The following PAFAH1B2 variants were observed in gnomAD, a reference collection of about 807,000 sequenced individuals.
PAFAH1B2 encodes the protein platelet activating factor acetylhydrolase 1b catalytic subunit 2, also known as platelet-activating factor acetylhydrolase IB subunit alpha2.
A neutral mutation model predicts 28.0 loss-of-function variants in PAFAH1B2; 8 were observed. The observed-to-expected ratio is 0.29, with a 90% confidence interval of 0.17 to 0.52. The LOEUF is 0.52. Ranked by LOEUF, PAFAH1B2 falls within the 20% of genes least tolerant of loss-of-function variation. PAFAH1B2 has a pLI of 0.97. For synonymous variants in PAFAH1B2, 104 were observed against 103.2 expected (o/e 1.01, Z -0.05); for missense variants, 190 against 282.6 (o/e 0.67, Z 2.35).
At chr11:117,175,124 A>T, downstream of PAFAH1B2, 1 of 1,236,370 alleles carries the variant, frequency 8.1e-7, no homozygotes, top group Non-Finnish European at 1.0e-6. Context: ...ATATAAGTCA[A>T]ATAAGCCTTA....
At chr11:117,171,467 C>T (rs1313420839), downstream of PAFAH1B2, among the ~76,000 whole-genome samples, 1 of 151,482 alleles carries the variant, frequency 6.6e-6, no homozygotes, top group African/African-American at 2.4e-5. Flanking sequence ...ACCCAGGAGG[C>T]GGAGGTTACC....
intron 4 of PAFAH1B2, among the ~76,000 whole-genome samples, chr11:117,161,594 C>T (rs551242956): frequency 3.3e-5 from 5 of 151,570 alleles, no homozygotes; most frequent in African/African-American, 7.3e-5. Context: ...CTGCAACCTC[C>T]GCCTCCTGGG....
chr11:117,157,764 A>G lies in PAFAH1B2; in HGVS notation c.82-2170A>G, dbSNP rs116574684. On this transcript the variant is annotated intron_variant, in intron 2 of 5. Transcript: ENST00000527958. ...AACATAGTGAGACCCCATCTTTGGGAAAAAAAGAGAGTAGGCCTTTTCCTA... is the reference window on the plus strand; with the variant it reads ...AACATAGTGAGACCCCATCTTTGGGGAAAAAAGAGAGTAGGCCTTTTCCTA... 5.2e-3 allele frequency among the ~76,000 whole-genome samples: 796 copies of G among 152,248 alleles called. 11 individuals carry two copies. Among genetic ancestry groups the G allele is most frequent in the African/African-American group, 0.018 (732 of 41,540 alleles).
At chr11:117,144,822 T>TGCAGCTCCTGCCCGGGTCTCC (rs1955957755) in intron 1 of PAFAH1B2, among the ~76,000 whole-genome samples, 1 of 150,862 alleles carries the variant, frequency 6.6e-6, no homozygotes, top group Non-Finnish European at 1.5e-5. Context: ...GGCTGGGCGC[T>TGCAGCTCCTGCCCGGGTCTCC]GCAGCTCCTG....
rs1956541633 is a variant in PAFAH1B2 at position 117,167,603 on chromosome 11, A to G, written c.594A>G (p.Thr198=). The G allele has an allele frequency of 1.2e-6, 2 of 1,612,642 alleles. No individual in the cohort carries two copies. The highest frequency in any genetic ancestry group is 1.7e-6 in the Non-Finnish European group (2 of 1,179,052). The change falls in exon 6 of 6, where the codon ACA becomes ACG. Residue 198 remains threonine (T), a synonymous_variant. Transcript: ENST00000527958. ...ACATGTTTGATTTTCTGCATCTGAC[A>G]GGAGGGGGCTATGCAAAGATCTGCA... ...CHDMFDFLHL[T]GGGYAKICKP...
intron 1 of PAFAH1B2, among the ~76,000 whole-genome samples, chr11:117,148,971 G>A (rs920136725): frequency 1.3e-5 from 2 of 151,270 alleles, no homozygotes; most frequent in Non-Finnish European, 2.9e-5. Flanking sequence ...GGGCTCGAGC[G>A]ATTCTCCTCC....
At position 117,169,452 on chromosome 11, in the gene PAFAH1B2, C is replaced by CAG; in HGVS notation, c.*1753_*1754insAG. 9.5e-7 allele frequency: 1 copy of CAG among 1,050,052 alleles called. No homozygotes were observed. The highest frequency in any genetic ancestry group is 1.1e-6 in the Non-Finnish European group (1 of 870,476). The allele number at this position is 1,050,052 out of a possible 1,614,324, so 65.0% of individuals were successfully genotyped here. ...TCCGCTTAATGTTTAAATTCAGTAACGTACTTGAAAGGCAAATTTCAGTGC... is the reference window on the plus strand; with the variant it reads ...TCCGCTTAATGTTTAAATTCAGTAACAGGTACTTGAAAGGCAAATTTCAGTGC... On this transcript the variant is annotated 3_prime_UTR_variant, in exon 6 of 6. Transcript: ENST00000527958.
chr11:117,171,529 C>T, downstream of PAFAH1B2: 2 of 573,156 alleles, frequency 3.5e-6, no homozygotes, highest in Non-Finnish European at 6.3e-6. Flanking sequence ...GAGCGAGACT[C>T]TTGTCTCGGA....
chr11:117,170,399 T>C lies in PAFAH1B2; in HGVS notation c.*2700T>C, dbSNP rs1956624486. ...GGAACTATAAAGATGTCTGTGGTCA[T>C]ATGTTGAATGTGGCAGCTTGAAGAT... On this transcript the variant is annotated 3_prime_UTR_variant, in exon 6 of 6. Coordinates refer to ENST00000527958, the MANE Select transcript of PAFAH1B2 (RefSeq NM_002572.4). 1 of 1,058,832 alleles carries C rather than the reference T, an allele frequency of 9.4e-7. No homozygotes were observed. Among genetic ancestry groups the C allele is most frequent in the African/African-American group, 1.7e-5 (1 of 59,978 alleles). The allele number at this position is 1,058,832 out of a possible 1,614,324, so 65.6% of individuals were successfully genotyped here.
At position 117,170,344 on chromosome 11, in the gene PAFAH1B2, T is replaced by G; in HGVS notation, c.*2645T>G. The G allele has an allele frequency of 9.4e-7, 1 of 1,060,834 alleles. No homozygotes were observed. Among genetic ancestry groups the G allele is most frequent in the Non-Finnish European group, 1.1e-6 (1 of 877,380 alleles). 65.7% of individuals were successfully genotyped at this position (1,060,834 alleles called of 1,614,324 possible). A position where few individuals can be genotyped will look rare whatever the true frequency, so the allele number is the denominator to read the frequency against. ...AAATTTGTATTCCTTCGCCCACGCA[T>G]TCCTGCTATACTAGATGGCAGCCAG... On this transcript the variant is annotated 3_prime_UTR_variant, in exon 6 of 6. Transcript: ENST00000527958.
At chr11:117,174,973 C>T (rs945783007), downstream of PAFAH1B2, 7 of 1,487,680 alleles carry the variant, frequency 4.7e-6, no homozygotes, top group African/African-American at 1.4e-5. Flanking sequence ...CCTGTCCTCT[C>T]ACCCCAAACT....
At chr11:117,155,987 G>C (rs1243709907) in intron 2 of PAFAH1B2, among the ~76,000 whole-genome samples, 2 of 152,018 alleles carry the variant, frequency 1.3e-5, no homozygotes, top group Non-Finnish European at 2.9e-5. Flanking sequence ...GGCCAGAAGT[G>C]CAGCCTAGGA....
chr11:117,172,380 ATATATATATATATATATATATATAT>A (rs1956679657), downstream of PAFAH1B2, among the ~76,000 whole-genome samples: 7 of 5,084 alleles, frequency 1.4e-3, 1 homozygote, highest in East Asian at 0.025. Flanking sequence ...ATATATATAT[ATATATATATATATATATATATATAT>A]TTTTTTTTTT....
rs116753125 is a variant in PAFAH1B2 at position 117,158,602 on chromosome 11, G to T, written c.82-1332G>T. On this transcript the variant is annotated intron_variant, in intron 2 of 5. Coordinates refer to ENST00000527958, the MANE Select transcript of PAFAH1B2 (RefSeq NM_002572.4). ...CCATTTGAAAAATTGAATGTTATGGGATTGTTTCTTTTCCTAGTTATGATA... is the reference window on the plus strand; with the variant it reads ...CCATTTGAAAAATTGAATGTTATGGTATTGTTTCTTTTCCTAGTTATGATA... 8.2e-3 allele frequency among the ~76,000 whole-genome samples: 1,239 copies of T among 150,558 alleles called. 14 individuals are homozygous for T. The highest frequency in any genetic ancestry group is 0.029 in the African/African-American group (1,186 of 40,980).
At chr11:117,149,670 G>A (rs1956103225) in intron 1 of PAFAH1B2, among the ~76,000 whole-genome samples, 1 of 141,840 alleles carries the variant, frequency 7.1e-6, no homozygotes, top group African/African-American at 2.6e-5. Flanking sequence ...CTGACCTCGT[G>A]ATCTGCCTGC....
intron 1 of PAFAH1B2, among the ~76,000 whole-genome samples, chr11:117,146,606 A>G (rs922520347): frequency 6.6e-6 from 1 of 152,160 alleles, no homozygotes; most frequent in Admixed American, 6.6e-5. Context: ...AAATGGGAGG[A>G]TCACTTGAGC....
At chr11:117,171,868 T>C (rs1474994268), downstream of PAFAH1B2, 8 of 772,140 alleles carry the variant, frequency 1.0e-5, no homozygotes, top group South Asian at 1.5e-4. Flanking sequence ...TTTGCTGCTT[T>C]AGGAGGAAAA....
intron 1 of PAFAH1B2, among the ~76,000 whole-genome samples, chr11:117,148,372 A>G (rs543713278): frequency 3.3e-5 from 5 of 152,138 alleles, no homozygotes; most frequent in Admixed American, 1.3e-4. Context: ...GTCTTTTCTA[A>G]TCAGAACATA....
At chr11:117,175,824 G>A, downstream of PAFAH1B2, 8 of 1,335,554 alleles carry the variant, frequency 6.0e-6, no homozygotes, top group South Asian at 2.6e-5. Flanking sequence ...CCAGCTACTC[G>A]AGAGGCTGTG....
Sources: gnomAD v4.1 joint callset for allele counts (sites outside exome capture counted in the v4.1 genomes callset) on GRCh38, gnomAD v4.1.1 for gene constraint, MANE v1.5 for transcripts, NCBI Gene and HGNC (gene_info 2026-07-23, HGNC 2026-07-21) for gene names.